Variants in NRG1 observed in about 807,000 individuals in gnomAD.
The protein encoded by NRG1 is neuregulin 1.
NRG1 carries 18 observed loss-of-function variants against 63.8 expected under a neutral mutation model. The ratio of observed to expected loss-of-function variants is 0.28; its 90% CI spans 0.19 to 0.42. The LOEUF (loss-of-function observed/expected upper bound fraction) is 0.42, where lower values mean the gene tolerates loss of function less well. Ranked by LOEUF, NRG1 falls within the 10% of genes least tolerant of loss-of-function variation. The probability of loss-of-function intolerance (pLI) is 1.00; values close to 1 mark genes in which losing one functional copy is unlikely to be tolerated. For synonymous variants in NRG1, 302 were observed against 301.3 expected (o/e 1.00, Z -0.02); for missense variants, 762 against 814.7 (o/e 0.94, Z 0.79).
chr8:31,818,765 A>G lies in NRG1; in HGVS notation c.37+179334A>G, dbSNP rs528539813. Among the ~76,000 whole-genome samples the G allele has an allele frequency of 3.9e-5, 6 of 152,236 alleles. No homozygotes were observed. In the South Asian group the frequency reaches 6.2e-4, roughly 16 times the overall value. On this transcript the variant is annotated intron_variant, in intron 1 of 10. Coordinates refer to the NRG1 transcript ENST00000519301. ...GTTGGGGACCCGTGTTCCACATGTT[A>G]TAAAAACTTAGGCTGGGCGCGGTGG...
chr8:31,744,296 T>C (rs1489964805), intron 1 of NRG1, among the ~76,000 whole-genome samples: 1 of 152,044 alleles, frequency 6.6e-6, no homozygotes, highest in African/African-American at 2.4e-5. Context: ...CCAGAAATGA[T>C]TGAACGTCTT....
chr8:31,861,121 G>A (rs925504846), intron 1 of NRG1, among the ~76,000 whole-genome samples: 1 of 152,106 alleles, frequency 6.6e-6, no homozygotes, highest in African/African-American at 2.4e-5. Flanking sequence ...TGGAAGTCAA[G>A]GGCAAGAAAA....
chr8:31,740,915 A>C (rs1440050611), intron 1 of NRG1, among the ~76,000 whole-genome samples: 1 of 152,048 alleles, frequency 6.6e-6, no homozygotes, highest in African/African-American at 2.4e-5. Flanking sequence ...AGATACATGC[A>C]CTTGCATGTT....
At chr8:31,682,386 G>T (rs1016465758) in intron 1 of NRG1, among the ~76,000 whole-genome samples, 6 of 152,078 alleles carry the variant, frequency 3.9e-5, no homozygotes, top group East Asian at 1.9e-4. Flanking sequence ...GTTATTAATT[G>T]GGGGGAGAGA....
intron 1 of NRG1, among the ~76,000 whole-genome samples, chr8:32,266,388 T>C (rs139567462): frequency 2.1e-3 from 313 of 152,280 alleles, no homozygotes; most frequent in African/African-American, 6.9e-3. Context: ...CCAAGAATAT[T>C]AATATCTAAC....
chr8:32,762,101 C>T (rs535123287), intron 11 of NRG1, among the ~76,000 whole-genome samples: 5 of 149,484 alleles, frequency 3.3e-5, no homozygotes, highest in African/African-American at 9.8e-5. Context: ...TCTTCAAGGG[C>T]CTTTCCCCAA....
intron 1 of NRG1, among the ~76,000 whole-genome samples, chr8:31,688,745 G>C (rs1431734560): frequency 6.6e-6 from 1 of 152,188 alleles, no homozygotes; most frequent in African/African-American, 2.4e-5. Flanking sequence ...TAAACAAGAA[G>C]AGAGAATGAT....
chr8:32,110,527 G>A (rs1831872635), intron 1 of NRG1, among the ~76,000 whole-genome samples: 1 of 152,196 alleles, frequency 6.6e-6, no homozygotes, highest in Admixed American at 6.5e-5. Context: ...TTGTGTGCTG[G>A]TGAATGTAAG....
At chr8:32,402,828 A>G (rs981698736) in intron 1 of NRG1, among the ~76,000 whole-genome samples, 5 of 152,132 alleles carry the variant, frequency 3.3e-5, no homozygotes, top group Non-Finnish European at 5.9e-5. Flanking sequence ...ATATTTGTGC[A>G]TAGTATATAA....
At chr8:32,241,405 G>T (rs1028473951) in intron 1 of NRG1, among the ~76,000 whole-genome samples, 1 of 152,004 alleles carries the variant, frequency 6.6e-6, no homozygotes, top group African/African-American at 2.4e-5. Context: ...TGTTCTTTTT[G>T]ATTATTCATC....
intron 1 of NRG1, among the ~76,000 whole-genome samples, chr8:32,298,231 T>C (rs1174228377): frequency 2.0e-5 from 3 of 152,258 alleles, no homozygotes; most frequent in African/African-American, 7.2e-5. Context: ...TAAATGAAGT[T>C]AGAAGACATC....
At chr8:32,486,156 T>G (rs1426538239) in intron 1 of NRG1, among the ~76,000 whole-genome samples, 4 of 152,108 alleles carry the variant, frequency 2.6e-5, no homozygotes, top group African/African-American at 9.7e-5. Context: ...GGTCTCAAAC[T>G]CCTGACCTCA....
intron 1 of NRG1, among the ~76,000 whole-genome samples, chr8:32,299,805 G>T (rs893572925): frequency 6.6e-6 from 1 of 152,114 alleles, no homozygotes; most frequent in South Asian, 2.1e-4. Flanking sequence ...ACGAGAACAG[G>T]ATGGGAAAAA....
intron 1 of NRG1, among the ~76,000 whole-genome samples, chr8:32,420,750 T>C (rs967140173): frequency 1.4e-4 from 21 of 152,318 alleles, no homozygotes; most frequent in South Asian, 2.1e-4. Context: ...TACTATCAGA[T>C]ACTTTTTCCC....
intron 5 of NRG1, among the ~76,000 whole-genome samples, chr8:32,709,096 T>G (rs1475468434): frequency 6.6e-6 from 1 of 152,224 alleles, no homozygotes; most frequent in Non-Finnish European, 1.5e-5. Flanking sequence ...TCAAGGACAT[T>G]AAACACTCTT....
At chr8:31,719,250 T>C (rs943121990) in intron 1 of NRG1, among the ~76,000 whole-genome samples, 1 of 152,196 alleles carries the variant, frequency 6.6e-6, no homozygotes, top group Non-Finnish European at 1.5e-5. Context: ...ATTTGGTTGA[T>C]ATGTTAGATC....
intron 1 of NRG1, among the ~76,000 whole-genome samples, chr8:32,482,480 A>G (rs1032866701): frequency 1.3e-5 from 2 of 151,572 alleles, no homozygotes; most frequent in Admixed American, 1.3e-4. Flanking sequence ...TTCTTTGCAC[A>G]TCACTGGTAA....
At chr8:32,231,844 G>A (rs191398325) in intron 1 of NRG1, among the ~76,000 whole-genome samples, 81 of 150,076 alleles carry the variant, frequency 5.4e-4, no homozygotes, top group Non-Finnish European at 8.9e-5. Context: ...GCAGTGAGCC[G>A]AGATCATACC....
At chr8:32,541,098 A>G (rs987002475) in intron 1 of NRG1, among the ~76,000 whole-genome samples, 1 of 152,322 alleles carries the variant, frequency 6.6e-6, no homozygotes, top group East Asian at 1.9e-4. Flanking sequence ...GTGTGTTGAA[A>G]GTTAGTCTGT....
Sources: gnomAD v4.1 joint callset for allele counts (sites outside exome capture counted in the v4.1 genomes callset) on GRCh38, gnomAD v4.1.1 for gene constraint, MANE v1.5 for transcripts, NCBI Gene and HGNC (gene_info 2026-07-23, HGNC 2026-07-21) for gene names.